Variants in USP6NL observed in about 807,000 individuals in gnomAD.
USP6NL encodes USP6 N-terminal like.
A neutral mutation model predicts 61.9 loss-of-function variants in USP6NL; 26 were observed. The ratio of observed to expected loss-of-function variants is 0.42; its 90% CI spans 0.31 to 0.58. USP6NL has a LOEUF of 0.58. USP6NL is among the 20% of genes least tolerant of loss of function. The pLI is 0.16. For synonymous variants in USP6NL, 432 were observed against 390.1 expected (o/e 1.11, Z -1.27); for missense variants, 1,114 against 1,034.3 (o/e 1.08, Z -1.06).
Position 11,487,275 on chromosome 10 carries a change from G to A in USP6NL, c.665-1364C>T, listed in dbSNP as rs1275093692. Among the ~76,000 whole-genome samples, 1 of 152,038 alleles carries A rather than the reference G, an allele frequency of 6.6e-6. No individual in the cohort carries two copies. Among genetic ancestry groups the A allele is most frequent in the African/African-American group, 2.4e-5 (1 of 41,388 alleles). Reference sequence around the variant, plus strand: ...GCTTCAATTCCACACATTTATAAGTGAAACCACCTTCACACTAGAAAGTAA... The same window carrying A: ...GCTTCAATTCCACACATTTATAAGTAAAACCACCTTCACACTAGAAAGTAA... On this transcript the variant is annotated intron_variant, in intron 10 of 14. Transcript: ENST00000609104. This position sits in a 1 kb window ranked among gnomAD's most constrained non-coding sequence, Gnocchi z 4.2.
intron 2 of USP6NL, among the ~76,000 whole-genome samples, chr10:11,551,548 C>T (rs754401342): frequency 6.6e-6 from 1 of 152,128 alleles, no homozygotes; most frequent in Non-Finnish European, 1.5e-5. Context: ...CTAGTTTAAT[C>T]GTAATCACAA....
chr10:11,467,711 A>G (rs1832533572), intron 14 of USP6NL, among the ~76,000 whole-genome samples: 1 of 152,240 alleles, frequency 6.6e-6, no homozygotes, highest in Non-Finnish European at 1.5e-5. Flanking sequence ...GCATAAATCA[A>G]TACATATGTC....
rs548689167 is a variant in USP6NL, at chr10:11,465,779, C to T, written c.1079-1930G>A. 2.2e-4 allele frequency among the ~76,000 whole-genome samples: 33 copies of T among 152,134 alleles called. No homozygotes were observed. Among genetic ancestry groups the T allele is most frequent in the Admixed American group, 1.4e-3 (21 of 15,278 alleles). On this transcript the variant is annotated intron_variant, in intron 14 of 14. Transcript: ENST00000609104. This position sits in a 1 kb window ranked among gnomAD's most constrained non-coding sequence, Gnocchi z 4.5. ...AAAACTCAATTCACCTGACATGAGG[C>T]GTTTCTAAGGGCAGCTACCCTTAGC...
chr10:11,577,894 G>T (rs1837611166), intron 2 of USP6NL, among the ~76,000 whole-genome samples: 1 of 152,020 alleles, frequency 6.6e-6, no homozygotes, highest in Admixed American at 6.5e-5. Context: ...AACAATTTAT[G>T]TGTAAATTCT....
At position 11,562,715 on chromosome 10, in the gene USP6NL, T is replaced by C; in HGVS notation, c.4+34916A>G. 2.0e-6 allele frequency: 2 copies of C among 985,448 alleles called. No homozygotes were observed. The highest frequency in any genetic ancestry group is 2.4e-6 in the Non-Finnish European group (2 of 829,918). The allele number at this position is 985,448 out of a possible 1,614,324, so 61.0% of individuals were successfully genotyped here. ...AACTTGTCTATTTTATCTGCCAAAT[T>C]TTCACTTGTTTCTTGATCTAAAAAC... is the stretch of plus-strand genomic sequence containing the variant. On this transcript the variant is annotated intron_variant, in intron 2 of 14. Transcript: ENST00000609104. This position sits in a 1 kb window ranked among gnomAD's most constrained non-coding sequence, Gnocchi z 4.8.
rs953009747 is a variant in USP6NL, at chr10:11,555,102, T to G, written c.5-27535A>C. ...CACCGCGCCTGGCCTGTTTTTTTTT[T>G]TTTTTGGTTTTTTTTTTTAAGAATC... On this transcript the variant is annotated intron_variant, in intron 2 of 14. Coordinates refer to ENST00000609104, the MANE Select transcript of USP6NL (RefSeq NM_014688.5). Among the ~76,000 whole-genome samples, 542 of 133,122 alleles carry G rather than the reference T, an allele frequency of 4.1e-3. 4 individuals are homozygous for G. The highest frequency in any genetic ancestry group is 6.5e-3 in the Non-Finnish European group (409 of 62,742). 87.3% of individuals were successfully genotyped at this position (133,122 alleles called of 152,430 possible). A position where few individuals can be genotyped will look rare whatever the true frequency, so the allele number is the denominator to read the frequency against.
rs956334459 is a variant in USP6NL, at chr10:11,499,173, T to G, written c.384+1928A>C. Among the ~76,000 whole-genome samples, 1 of 151,970 alleles carries G rather than the reference T, an allele frequency of 6.6e-6. No individual in the cohort carries two copies. The highest frequency in any genetic ancestry group is 1.5e-5 in the Non-Finnish European group (1 of 67,978). On this transcript the variant is annotated intron_variant, in intron 7 of 14. Coordinates refer to ENST00000609104, the MANE Select transcript of USP6NL (RefSeq NM_014688.5). The surrounding 1 kb of genome is among the most constrained non-coding windows in gnomAD (Gnocchi z 4.5). ...GAAGTTCCAGTTCGTGGAGGATGTGTGGAGAGAGAGAGAAAGAGTGGATGA... is the reference window on the plus strand; with the variant it reads ...GAAGTTCCAGTTCGTGGAGGATGTGGGGAGAGAGAGAGAAAGAGTGGATGA...
At chr10:11,546,841 CA>C (rs1156476618) in intron 2 of USP6NL, among the ~76,000 whole-genome samples, 2 of 152,072 alleles carry the variant, frequency 1.3e-5, no homozygotes, top group African/African-American at 2.4e-5. Flanking sequence ...CACTATCAAG[CA>C]AAAATCTTTT....
intron 14 of USP6NL, among the ~76,000 whole-genome samples, chr10:11,471,845 G>A (rs113384279): frequency 0.092 from 13,482 of 146,266 alleles, 729 homozygotes; most frequent in Middle Eastern, 0.18. Context: ...GGGAGGGGGG[G>A]ACAGCATTAT....
intron 2 of USP6NL, among the ~76,000 whole-genome samples, chr10:11,555,492 A>G (rs1591923437): frequency 7.0e-6 from 1 of 142,814 alleles, no homozygotes; most frequent in South Asian, 2.3e-4. Flanking sequence ...AGAGAGAGAG[A>G]GAAGAGGAAT....
At chr10:11,579,123 A>G (rs981859664) in intron 2 of USP6NL, among the ~76,000 whole-genome samples, 4 of 152,238 alleles carry the variant, frequency 2.6e-5, no homozygotes, top group African/African-American at 9.6e-5. Context: ...AGCATTTACT[A>G]TGTGCTAGGT....
In USP6NL at chr10:11,496,635, CAT is replaced by C. The variant is rs1335659610; in HGVS notation, c.385-3409_385-3408del. Among the ~76,000 whole-genome samples the C allele has an allele frequency of 2.0e-5, 3 of 152,102 alleles. No homozygotes were observed. Among genetic ancestry groups the C allele is most frequent in the Non-Finnish European group, 4.4e-5 (3 of 68,030 alleles). ...TTTAATATAAATAAGAATTTATATA[CAT>C]ATGTTATATTGACCTATTTACCATG... is the stretch of plus-strand genomic sequence containing the variant. On this transcript the variant is annotated intron_variant, in intron 7 of 14. Transcript: ENST00000609104. The surrounding 1 kb of genome is among the most constrained non-coding windows in gnomAD (Gnocchi z 5.4).
Position 11,482,619 on chromosome 10 carries a change from A to T in USP6NL, c.926-697T>A, listed in dbSNP as rs1833246636. 6.6e-6 allele frequency among the ~76,000 whole-genome samples: 1 copy of T among 152,202 alleles called. No individual in the cohort carries two copies. Among genetic ancestry groups the T allele is most frequent in the Admixed American group, 6.5e-5 (1 of 15,276 alleles). On this transcript the variant is annotated intron_variant, in intron 13 of 14. Coordinates refer to ENST00000609104, the MANE Select transcript of USP6NL (RefSeq NM_014688.5). This position sits in a 1 kb window ranked among gnomAD's most constrained non-coding sequence, Gnocchi z 4.0. ...CCCCATTCACTAATGTATCACTGAT[A>T]TCTCTCATTTCAACAAATATGATGT...
intron 2 of USP6NL, among the ~76,000 whole-genome samples, chr10:11,580,933 C>A (rs934006589): frequency 6.6e-6 from 1 of 151,532 alleles, no homozygotes; most frequent in Non-Finnish European, 1.5e-5. Flanking sequence ...GGAAAAATAT[C>A]AAAATCTTGT....
At chr10:11,484,554 T>C (rs1346934304) in intron 13 of USP6NL, among the ~76,000 whole-genome samples, 1 of 152,170 alleles carries the variant, frequency 6.6e-6, no homozygotes, top group East Asian at 1.9e-4. Context: ...GAAACAGTAA[T>C]AGAAAACGTT....
intron 5 of USP6NL, among the ~76,000 whole-genome samples, chr10:11,517,826 A>G (rs990739917): frequency 2.0e-5 from 3 of 152,174 alleles, no homozygotes; most frequent in Non-Finnish European, 4.4e-5. Context: ...TCAAACATAC[A>G]TGAACTGATA....
In USP6NL at chr10:11,593,413, G is replaced by C. The variant is rs540723951; in HGVS notation, c.4+4218C>G. Among the ~76,000 whole-genome samples, 367 of 152,094 alleles carry C rather than the reference G, an allele frequency of 2.4e-3. 1 individual carries two copies. Among genetic ancestry groups the C allele is most frequent in the African/African-American group, 8.1e-3 (338 of 41,482 alleles). ...TGCCTTGTGTACAAACTTCTCTTGT[G>C]ACCATTTATATTATGGATCTGAGAG... is the stretch of plus-strand genomic sequence containing the variant. On this transcript the variant is annotated intron_variant, in intron 2 of 14. Transcript: ENST00000609104.
In USP6NL at chr10:11,553,224, A is replaced by T. The variant is rs929042377; in HGVS notation, c.5-25657T>A. On this transcript the variant is annotated intron_variant, in intron 2 of 14. Coordinates refer to ENST00000609104, the MANE Select transcript of USP6NL (RefSeq NM_014688.5). This position sits in a 1 kb window ranked among gnomAD's most constrained non-coding sequence, Gnocchi z 4.8. ...GGCTACTGAATTGTTGAATGCAAAG[A>T]AAAAGCTGTTTCAAGACAGTGTACG... Among the ~76,000 whole-genome samples, 13 of 152,244 alleles carry T rather than the reference A, an allele frequency of 8.5e-5. No homozygotes were observed. The highest frequency in any genetic ancestry group is 3.1e-4 in the African/African-American group (13 of 41,472).
rs73569143 is a variant in USP6NL at position 11,528,696 on chromosome 10, G to C, written c.5-1129C>G. On this transcript the variant is annotated intron_variant, in intron 2 of 14. Coordinates refer to ENST00000609104, the MANE Select transcript of USP6NL (RefSeq NM_014688.5). This position sits in a 1 kb window ranked among gnomAD's most constrained non-coding sequence, Gnocchi z 4.6. ...ACATGAAAAAGGACTTCCAGTTACC[G>C]ATGGCAGATGGAACATATGCTTTTA... Among the ~76,000 whole-genome samples, 2 of 152,022 alleles carry C rather than the reference G, an allele frequency of 1.3e-5. No homozygotes were observed. Among genetic ancestry groups the C allele is most frequent in the Non-Finnish European group, 2.9e-5 (2 of 68,018 alleles).
Sources: gnomAD v4.1 joint callset for allele counts (sites outside exome capture counted in the v4.1 genomes callset) on GRCh38, gnomAD v4.1.1 for gene constraint, Gnocchi (gnomAD v3.1) non-coding constraint, MANE v1.5 for transcripts, NCBI Gene and HGNC (gene_info 2026-07-23, HGNC 2026-07-21) for gene names.